Variants in WWOX observed in about 807,000 individuals in gnomAD.
WWOX encodes WW domain containing oxidoreductase.
A neutral mutation model predicts 46.2 loss-of-function variants in WWOX; 69 were observed. The observed-to-expected ratio is 1.49, with a 90% confidence interval of 1.23 to 1.82. The LOEUF (loss-of-function observed/expected upper bound fraction) is 1.82. WWOX is among the 40% of genes most tolerant of loss of function. WWOX has a pLI of 0.00. For missense variants in WWOX, 919 were observed against 542.6 expected (o/e 1.69, Z -6.89); for synonymous variants, 359 against 202.6 (o/e 1.77, Z -6.56).
chr16:79,034,239 G>C (rs766700667), intron 8 of WWOX, among the ~76,000 whole-genome samples: 2 of 152,158 alleles, frequency 1.3e-5, no homozygotes, highest in Non-Finnish European at 2.9e-5. Flanking sequence ...CATGCCCAAT[G>C]TAAAAATAGT....
At chr16:78,578,001 G>A (rs951794545) in intron 8 of WWOX, among the ~76,000 whole-genome samples, 4 of 151,880 alleles carry the variant, frequency 2.6e-5, no homozygotes, top group African/African-American at 4.8e-5. Context: ...CCTAGGTCCA[G>A]ATTTCAGAGG....
chr16:78,593,248 C>T (rs2045393500), intron 8 of WWOX, among the ~76,000 whole-genome samples: 1 of 151,958 alleles, frequency 6.6e-6, no homozygotes, highest in South Asian at 2.1e-4. Flanking sequence ...ATTATATTGC[C>T]CAGACTGGTC....
intron 8 of WWOX, among the ~76,000 whole-genome samples, chr16:78,978,777 G>A (rs2046622917): frequency 6.6e-6 from 1 of 152,130 alleles, no homozygotes; most frequent in African/African-American, 2.4e-5. Context: ...ACAACACCAA[G>A]GAGATACTGC....
intron 8 of WWOX, among the ~76,000 whole-genome samples, chr16:78,948,007 G>C (rs1280883859): frequency 6.6e-6 from 1 of 152,204 alleles, no homozygotes; most frequent in East Asian, 1.9e-4. Flanking sequence ...GGCAGAGGGA[G>C]GAAGGGTGGG....
chr16:79,197,242 A>T (rs1010064009), intron 8 of WWOX, among the ~76,000 whole-genome samples: 1 of 152,132 alleles, frequency 6.6e-6, no homozygotes, highest in African/African-American at 2.4e-5. Flanking sequence ...TATGACCTTG[A>T]GGTCCTGATC....
chr16:78,264,713 A>G (rs1405557101), intron 5 of WWOX: 1 of 152,100 alleles, frequency 6.6e-6, no homozygotes, highest in African/African-American at 2.4e-5. Context: ...TTTGTTGATA[A>G]CCCCTACATT....
At chr16:78,628,332 C>T (rs2046355131) in intron 8 of WWOX, among the ~76,000 whole-genome samples, 2 of 152,112 alleles carry the variant, frequency 1.3e-5, no homozygotes, top group Admixed American at 1.3e-4. Context: ...CTCAGCCTTC[C>T]AGCAGAATCC....
At chr16:78,615,484 C>T (rs1405127796) in intron 8 of WWOX, among the ~76,000 whole-genome samples, 1 of 151,844 alleles carries the variant, frequency 6.6e-6, no homozygotes, top group Non-Finnish European at 1.5e-5. Flanking sequence ...CCCATCTCTA[C>T]TATAAATTTA....
intron 8 of WWOX, among the ~76,000 whole-genome samples, chr16:78,855,419 C>T (rs757440535): frequency 1.3e-5 from 2 of 152,118 alleles, no homozygotes; most frequent in Non-Finnish European, 2.9e-5. Context: ...AAGACAAATG[C>T]AGTGAGTTTA....
At chr16:78,154,016 G>C (rs535087768) in intron 4 of WWOX, among the ~76,000 whole-genome samples, 32 of 152,194 alleles carry the variant, frequency 2.1e-4, no homozygotes, top group African/African-American at 7.7e-4. Flanking sequence ...ACCTACCAGT[G>C]AGTCTCATGG....
chr16:79,019,391 C>T (rs1055029773), intron 8 of WWOX, among the ~76,000 whole-genome samples: 30 of 151,902 alleles, frequency 2.0e-4, no homozygotes, highest in Admixed American at 1.7e-3. Context: ...AGCTATGCAA[C>T]GTGTGATTGG....
intron 8 of WWOX, among the ~76,000 whole-genome samples, chr16:78,583,528 T>C (rs2045115959): frequency 6.6e-6 from 1 of 152,152 alleles, no homozygotes; most frequent in Non-Finnish European, 1.5e-5. Context: ...GGATTGTAGG[T>C]TTTGTGGGAA....
At chr16:78,123,456 T>TTTTTTTTTTTTTTTTTTTTTTTTG (rs2033215930) in intron 4 of WWOX, 3 of 14,434 alleles carry the variant, frequency 2.1e-4, no homozygotes, top group Admixed American at 1.0e-3. Context: ...TTTTTTTTTG[T>TTTTTTTTTTTTTTTTTTTTTTTTG]TTTTTTTTTT....
intron 1 of WWOX, among the ~76,000 whole-genome samples, chr16:78,103,592 T>C (rs1182783712): frequency 6.6e-6 from 1 of 152,146 alleles, no homozygotes; most frequent in East Asian, 1.9e-4. Context: ...TCTCTCCTGA[T>C]CTGTGAGCAT....
chr16:78,356,579 A>T (rs760606125), intron 5 of WWOX, among the ~76,000 whole-genome samples: 1 of 152,152 alleles, frequency 6.6e-6, no homozygotes, highest in Non-Finnish European at 1.5e-5. Flanking sequence ...TTGAAAGACT[A>T]TCACATGGAA....
At chr16:78,239,526 G>C (rs561256060) in intron 5 of WWOX, among the ~76,000 whole-genome samples, 1 of 152,082 alleles carries the variant, frequency 6.6e-6, no homozygotes, top group South Asian at 2.1e-4. Flanking sequence ...TTAGTGATTT[G>C]GTTCTTCTAG....
chr16:78,805,674 GCTT>G (rs1230755588), intron 8 of WWOX, among the ~76,000 whole-genome samples: 3 of 152,166 alleles, frequency 2.0e-5, no homozygotes, highest in Non-Finnish European at 2.9e-5. Context: ...GACTTAAACA[GCTT>G]CTTATTTGGG....
chr16:78,576,841 T>A (rs2044893319), intron 8 of WWOX, among the ~76,000 whole-genome samples: 1 of 152,228 alleles, frequency 6.6e-6, no homozygotes, highest in Non-Finnish European at 1.5e-5. Flanking sequence ...TTAAAATAAA[T>A]GCTGCCTTGG....
chr16:78,419,987 C>T (rs1278106515), intron 6 of WWOX, among the ~76,000 whole-genome samples: 4 of 151,860 alleles, frequency 2.6e-5, no homozygotes, highest in African/African-American at 9.7e-5. Context: ...ATAGATATTC[C>T]TCCAAATATG....
Sources: allele counts gnomAD v4.1 joint callset (sites outside exome capture counted in the v4.1 genomes callset), GRCh38; gene constraint gnomAD v4.1.1; transcripts MANE v1.5; gene names NCBI Gene and HGNC (gene_info 2026-07-23, HGNC 2026-07-21).